VCF1: variants seen among roughly 807,000 people sequenced by gnomAD.
VCF1 encodes VCP nuclear cofactor family member 1, also known as protein VCF1.
the VCF1 span, among the ~76,000 whole-genome samples, chr17:73,221,925 T>C: frequency 1.3e-5 from 2 of 150,800 alleles, no homozygotes; most frequent in African/African-American, 4.9e-5. Context: ...TCCCAGCTAC[T>C]CGGGAGGCTG....
the VCF1 span, chr17:73,229,691 C>A: frequency 4.7e-6 from 2 of 429,210 alleles, no homozygotes; most frequent in South Asian, 9.9e-5. Flanking sequence ...CATGGTGAAA[C>A]CCTGTCTCTA....
the VCF1 span, among the ~76,000 whole-genome samples, chr17:73,211,718 G>C: frequency 6.6e-6 from 1 of 151,932 alleles, no homozygotes; most frequent in Non-Finnish European, 1.5e-5. Flanking sequence ...AAATTAGCTG[G>C]GCATGGTGGT....
At chr17:73,207,918 T>C in the VCF1 span, 1 of 1,187,052 alleles carries the variant, frequency 8.4e-7, no homozygotes, top group African/African-American at 1.6e-5. Flanking sequence ...GCTTTAAAAG[T>C]TGGGAGATGG....
At chr17:73,216,373 CA>C in the VCF1 span, among the ~76,000 whole-genome samples, 1 of 152,020 alleles carries the variant, frequency 6.6e-6, no homozygotes, top group Admixed American at 6.5e-5. Context: ...GTGAGCCTGG[CA>C]AAAAGTTTGA....
the VCF1 span, among the ~76,000 whole-genome samples, chr17:73,225,913 T>C: frequency 7.2e-6 from 1 of 139,606 alleles, no homozygotes; most frequent in African/African-American, 2.8e-5. Context: ...TTTTTTTTTT[T>C]TTTTCTGAAA....
chr17:73,232,165 G>A, the VCF1 span: 1 of 1,609,908 alleles, frequency 6.2e-7, no homozygotes, highest in Non-Finnish European at 8.5e-7. Flanking sequence ...GGAACAGAGG[G>A]GGTTGTGTTT....
chr17:73,225,900 T>TATATATATATATA, the VCF1 span, among the ~76,000 whole-genome samples: 1 of 77,896 alleles, frequency 1.3e-5, no homozygotes, highest in African/African-American at 6.5e-5. Flanking sequence ...TATATATATA[T>TATATATATATATA]TTTTTTTTTT....
chr17:73,230,859 T>C, the VCF1 span, among the ~76,000 whole-genome samples: 1 of 152,236 alleles, frequency 6.6e-6, no homozygotes, highest in East Asian at 1.9e-4. Flanking sequence ...TATAAATGCA[T>C]TCAGATTAGT....
chr17:73,219,329 G>T, the VCF1 span, among the ~76,000 whole-genome samples: 1 of 151,812 alleles, frequency 6.6e-6, no homozygotes, highest in Non-Finnish European at 1.5e-5. Flanking sequence ...TAACAGCACT[G>T]TTCCTCCCTT....
At chr17:73,207,529 T>G in the VCF1 span, 177 of 594,266 alleles carry the variant, frequency 3.0e-4, 1 homozygote, top group Middle Eastern at 0.01. Context: ...TTGAATTTAG[T>G]AGGGTGAAAG....
the VCF1 span, among the ~76,000 whole-genome samples, chr17:73,222,053 A>AC: frequency 2.0e-5 from 3 of 150,482 alleles, no homozygotes; most frequent in South Asian, 6.3e-4. Flanking sequence ...AAAAAAAAAA[A>AC]AAAACTAGCC....
chr17:73,207,946 A>G, the VCF1 span: 1 of 1,207,244 alleles, frequency 8.3e-7, no homozygotes, highest in Admixed American at 3.8e-5. Flanking sequence ...AAAAAAAAAA[A>G]AGCTCTTGCA....
chr17:73,209,924 T>C, the VCF1 span, among the ~76,000 whole-genome samples: 1 of 152,218 alleles, frequency 6.6e-6, no homozygotes, highest in Non-Finnish European at 1.5e-5. Context: ...AAGTACGCTC[T>C]CCTAAAACGT....
At chr17:73,228,839 C>A in the VCF1 span, among the ~76,000 whole-genome samples, 3 of 152,104 alleles carry the variant, frequency 2.0e-5, no homozygotes, top group African/African-American at 7.2e-5. Context: ...TGCTGGGAGG[C>A]CAGTCGACAC....
chr17:73,214,194 A>G, the VCF1 span, among the ~76,000 whole-genome samples: 5 of 152,270 alleles, frequency 3.3e-5, no homozygotes, highest in East Asian at 7.7e-4. Flanking sequence ...ATTTTCTGAC[A>G]ATTCAGACCA....
the VCF1 span, among the ~76,000 whole-genome samples, chr17:73,222,197 C>CAAA: frequency 0.024 from 3,028 of 125,958 alleles, 124 homozygotes; most frequent in African/African-American, 0.081. Flanking sequence ...GACCCTGTCT[C>CAAA]AAAAAAAAAA....
the VCF1 span, among the ~76,000 whole-genome samples, chr17:73,214,148 C>T: frequency 1.3e-5 from 2 of 151,980 alleles, no homozygotes; most frequent in Non-Finnish European, 2.9e-5. Context: ...TTGAGCAGAC[C>T]AATGATAGTG....
chr17:73,232,268 A>G, the VCF1 span: 1 of 1,606,998 alleles, frequency 6.2e-7, no homozygotes, highest in Admixed American at 1.7e-5. Flanking sequence ...TCGGACCCGT[A>G]CCACCACTAC....
the VCF1 span, among the ~76,000 whole-genome samples, chr17:73,229,799 T>C: frequency 1.0e-4 from 13 of 124,620 alleles, no homozygotes; most frequent in Non-Finnish European, 1.9e-4. Flanking sequence ...ACCCAGGAGG[T>C]AGAGGTTGCA....
Sources: gnomAD v4.1 joint callset for allele counts (sites outside exome capture counted in the v4.1 genomes callset) on GRCh38, gnomAD v4.1.1 for gene constraint, MANE v1.5 for transcripts, NCBI Gene and HGNC (gene_info 2026-07-23, HGNC 2026-07-21) for gene names.